The following KCNG2 variants were observed in gnomAD, a reference collection of about 807,000 sequenced individuals.
KCNG2 encodes the protein potassium voltage-gated channel modifier subfamily G member 2.
Under a neutral mutation model 12.3 loss-of-function variants are expected in KCNG2, and 7 were observed. That is an observed-to-expected ratio of 0.57 (90% CI 0.32 to 1.07). The LOEUF (loss-of-function observed/expected upper bound fraction) is 1.07. Among genes scored for constraint, KCNG2 ranks in the 50% least tolerant of loss-of-function variants. The pLI, the probability that KCNG2 is intolerant of heterozygous loss-of-function variation, is 0.04. For synonymous variants in KCNG2, 414 were observed against 351.4 expected (o/e 1.18, Z -1.99); for missense variants, 703 against 726.0 (o/e 0.97, Z 0.36).
chr18:79,887,793 C>G (rs1980584672), intron 3 of KCNG2, among the ~76,000 whole-genome samples: 3 of 152,316 alleles, frequency 2.0e-5, no homozygotes, highest in East Asian at 1.9e-4. Context: ...GGTGGCTCCC[C>G]CACTTTTCCC....
chr18:79,880,316 CAAAA>C (rs59558361), intron 3 of KCNG2, among the ~76,000 whole-genome samples: 39 of 101,378 alleles, frequency 3.8e-4, no homozygotes, highest in African/African-American at 1.3e-3. Context: ...GACTCTGTCT[CAAAA>C]AAAAAAAAAA....
intron 1 of KCNG2, among the ~76,000 whole-genome samples, chr18:79,802,811 C>T (rs926674813): frequency 1.3e-5 from 2 of 151,768 alleles, no homozygotes; most frequent in Admixed American, 6.6e-5. Flanking sequence ...AGTTTTATAT[C>T]GGTACATTTT....
At position 79,798,029 on chromosome 18, in the gene KCNG2, G is replaced by A. The variant is rs1380711079; in HGVS notation, c.-115+15G>A. ...CTGGACCGCAGGTAAAGTTGAGCGC[G>A]CCGTGGGGCCGGGGGTGGGGGGTCC... On this transcript the variant is annotated intron_variant, in intron 1 of 3. Coordinates refer to ENST00000316249, the MANE Select transcript of KCNG2 (RefSeq NM_012283.2). Among the ~76,000 whole-genome samples, 1 of 146,272 alleles carries A rather than the reference G, an allele frequency of 6.8e-6. No homozygotes were observed. The highest frequency in any genetic ancestry group is 1.5e-5 in the Non-Finnish European group (1 of 65,406).
chr18:79,830,647 C>G (rs1056338745), intron 1 of KCNG2, among the ~76,000 whole-genome samples: 2 of 152,198 alleles, frequency 1.3e-5, no homozygotes, highest in African/African-American at 4.8e-5. Context: ...GATGAGACCC[C>G]CAAGCATTCC....
rs768824030 is a variant in KCNG2 at position 79,863,633 on chromosome 18, G to T, written c.-35G>T. The T allele has an allele frequency of 2.5e-6, 3 of 1,205,730 alleles. No homozygotes were observed. The highest frequency in any genetic ancestry group is 3.6e-5 in the East Asian group (1 of 27,912). 74.7% of individuals were successfully genotyped at this position (1,205,730 alleles called of 1,614,324 possible). Reference sequence around the variant, plus strand: ...GCGGTCCGTTCCTTTTGCAGGAGCCGGGCAGGAGCCCCTCGGTCCGGTCCG... The same window carrying T: ...GCGGTCCGTTCCTTTTGCAGGAGCCTGGCAGGAGCCCCTCGGTCCGGTCCG... On this transcript the variant is annotated 5_prime_UTR_variant, in exon 3 of 4. Transcript: ENST00000316249.
At chr18:79,824,404 T>C (rs2087596539) in intron 1 of KCNG2, among the ~76,000 whole-genome samples, 1 of 152,222 alleles carries the variant, frequency 6.6e-6, no homozygotes, top group East Asian at 1.9e-4. Flanking sequence ...ATAAATAAGT[T>C]TTGTCATTGA....
intron 3 of KCNG2, among the ~76,000 whole-genome samples, chr18:79,877,094 A>G (rs187355227): frequency 1.3e-5 from 2 of 152,254 alleles, no homozygotes; most frequent in African/African-American, 4.8e-5. Context: ...TCCCTTACAT[A>G]GATTTAATAT....
chr18:79,848,802 C>T (rs1978712424), intron 1 of KCNG2, among the ~76,000 whole-genome samples: 1 of 152,170 alleles, frequency 6.6e-6, no homozygotes, highest in African/African-American at 2.4e-5. Context: ...GAGGCCGCGG[C>T]ATTCCCGGTG....
At chr18:79,891,596 C>T (rs1177101087) in intron 3 of KCNG2, among the ~76,000 whole-genome samples, 2 of 152,176 alleles carry the variant, frequency 1.3e-5, no homozygotes, top group African/African-American at 4.8e-5. Context: ...TTACTCATCT[C>T]CAAGTCTGAC....
chr18:79,840,887 A>G lies in KCNG2; in HGVS notation c.-114-15492A>G, dbSNP rs1006714132. Among the ~76,000 whole-genome samples, 8 of 152,248 alleles carry G rather than the reference A, an allele frequency of 5.3e-5. No homozygotes were observed. The East Asian group carries it at 5.8e-4, about 11-fold the overall frequency. On this transcript the variant is annotated intron_variant, in intron 1 of 3. Coordinates refer to ENST00000316249, the MANE Select transcript of KCNG2 (RefSeq NM_012283.2). ...AATAAGACATCCATAAGCCAAAAAA[A>G]AATGAATCTTGACCTAATCCCACAC...
chr18:79,818,222 C>T lies in KCNG2; in HGVS notation c.-115+20208C>T, dbSNP rs554237265. ...AATAAGGAAGCTTGACTCATCAGATCGGGAGACACCACCCCCACCCTCCTC... is the reference window on the plus strand; with the variant it reads ...AATAAGGAAGCTTGACTCATCAGATTGGGAGACACCACCCCCACCCTCCTC... On this transcript the variant is annotated intron_variant, in intron 1 of 3. Transcript: ENST00000316249. 3.0e-4 allele frequency among the ~76,000 whole-genome samples: 45 copies of T among 152,312 alleles called. 1 individual carries two copies. In the South Asian group the frequency reaches 8.1e-3, roughly 27 times the overall value.
At chr18:79,877,217 G>C (rs1324349309) in intron 3 of KCNG2, among the ~76,000 whole-genome samples, 1 of 152,212 alleles carries the variant, frequency 6.6e-6, no homozygotes, top group Non-Finnish European at 1.5e-5. Context: ...TTAGTAAAAT[G>C]AGTCAATAAT....
At chr18:79,881,274 G>A (rs11872535) in intron 3 of KCNG2, among the ~76,000 whole-genome samples, 4,911 of 151,876 alleles carry the variant, frequency 0.032, 282 homozygotes, top group African/African-American at 0.11. Context: ...GAAACACGCC[G>A]TACGATTGGA....
chr18:79,801,075 G>C (rs1045355486), intron 1 of KCNG2, among the ~76,000 whole-genome samples: 1 of 152,208 alleles, frequency 6.6e-6, no homozygotes, highest in Non-Finnish European at 1.5e-5. Context: ...AAGAGATGCC[G>C]GGCAGGGCTT....
chr18:79,869,902 C>G (rs905088738), intron 3 of KCNG2, among the ~76,000 whole-genome samples: 1 of 152,252 alleles, frequency 6.6e-6, no homozygotes, highest in Non-Finnish European at 1.5e-5. Flanking sequence ...CGGGACGGCC[C>G]GCAGCCGTGG....
chr18:79,869,360 G>A (rs931661599), intron 3 of KCNG2, among the ~76,000 whole-genome samples: 1 of 152,220 alleles, frequency 6.6e-6, no homozygotes, highest in African/African-American at 2.4e-5. Flanking sequence ...TTATGTATGA[G>A]CAGGACATGC....
Position 79,900,015 on chromosome 18 carries a change from T to A in KCNG2, c.*199T>A. 2.5e-6 allele frequency: 1 copy of A among 393,502 alleles called. No homozygotes were observed. Among genetic ancestry groups the A allele is most frequent in the Non-Finnish European group, 4.4e-6 (1 of 228,604 alleles). The allele number at this position is 393,502 out of a possible 1,614,324, so 24.4% of individuals were successfully genotyped here. On this transcript the variant is annotated 3_prime_UTR_variant, in exon 4 of 4. Coordinates refer to ENST00000316249, the MANE Select transcript of KCNG2 (RefSeq NM_012283.2). ...CCGTGGCAGCGCTGGGCAAAGTCAC[T>A]GGCCTTTGTCCTCCTGCCCCACCCC...
Position 79,899,664 on chromosome 18 carries a change from G to T in KCNG2, c.1249G>T (p.Glu417Ter), listed in dbSNP as rs1969741072. 1 of 1,607,656 alleles carries T rather than the reference G, an allele frequency of 6.2e-7. No homozygotes were observed. The change falls in exon 4 of 4, where the codon GAG becomes TAG. Residue 417 changes from glutamate to a stop codon, truncating the protein, a stop_gained. Transcript: ENST00000316249. LOFTEE classifies it low-confidence loss of function (END_TRUNC). ...TTCGCGCTCCTACTCCGAGCTCAAG[G>T]AGCAGCAGCAGCGCGCGGCCAGCCC... Reference protein sequence around the residue: ...TFSRSYSELKEQQQRAASPEP... With the variant: ...TFSRSYSELK
At chr18:79,858,021 G>A (rs1276068288) in intron 2 of KCNG2, among the ~76,000 whole-genome samples, 1 of 151,808 alleles carries the variant, frequency 6.6e-6, no homozygotes, top group African/African-American at 2.4e-5. Flanking sequence ...TTTATTTTTT[G>A]AGACAGTCTC....
Sources: gnomAD v4.1 joint callset for allele counts (sites outside exome capture counted in the v4.1 genomes callset) on GRCh38, gnomAD v4.1.1 for gene constraint, MANE v1.5 for transcripts, NCBI Gene and HGNC (gene_info 2026-07-23, HGNC 2026-07-21) for gene names.